FOXO3: variants seen among roughly 807,000 people sequenced by gnomAD.
The protein encoded by FOXO3 is forkhead box O3, also known as forkhead box protein O3.
FOXO3 carries 4 observed loss-of-function variants against 41.9 expected under a neutral mutation model. The ratio of observed to expected loss-of-function variants is 0.10; its 90% CI spans 0.05 to 0.22. FOXO3 has a LOEUF of 0.22. Among genes scored for constraint, FOXO3 ranks in the 10% least tolerant of loss-of-function variants. FOXO3 has a pLI of 1.00. For missense variants in FOXO3, 534 were observed against 906.8 expected (o/e 0.59, Z 5.28); for synonymous variants, 318 against 389.3 (o/e 0.82, Z 2.16).
chr6:108,623,263 G>A (rs796446905), intron 1 of FOXO3, among the ~76,000 whole-genome samples: 50 of 152,284 alleles, frequency 3.3e-4, no homozygotes, highest in African/African-American at 1.2e-3. Context: ...TTATAAGTTG[G>A]CCTCTTTTCA....
chr6:108,644,282 C>T lies in FOXO3; in HGVS notation c.622-19173C>T, dbSNP rs550182414. Among the ~76,000 whole-genome samples the T allele has an allele frequency of 4.6e-5, 7 of 152,350 alleles. No homozygotes were observed. The South Asian group carries it at 1.4e-3, about 32-fold the overall frequency. ...TTGTCCTCATTGTTGTGAAGACTTA[C>T]AGAGATAGTACGTATGAAACACTTA... On this transcript the variant is annotated intron_variant, in intron 1 of 2. Coordinates refer to ENST00000406360, the MANE Select transcript of FOXO3 (RefSeq NM_001455.4).
intron 1 of FOXO3, among the ~76,000 whole-genome samples, chr6:108,592,922 C>A (rs1170358432): frequency 2.6e-5 from 4 of 152,198 alleles, no homozygotes; most frequent in Non-Finnish European, 5.9e-5. Flanking sequence ...CAGTCTTTAT[C>A]TCAATCCTGT....
chr6:108,630,969 T>C (rs140163587), intron 1 of FOXO3, among the ~76,000 whole-genome samples: 1 of 152,292 alleles, frequency 6.6e-6, no homozygotes, highest in East Asian at 1.9e-4. Context: ...TTTCATTCCA[T>C]AGGGAGTTTT....
intron 2 of FOXO3, among the ~76,000 whole-genome samples, chr6:108,672,469 A>G (rs542278423): frequency 1.3e-5 from 2 of 152,348 alleles, no homozygotes; most frequent in East Asian, 1.9e-4. Context: ...GCCACTGGAC[A>G]CTGGGATGCA....
chr6:108,562,043 T>TG (rs1372434996), intron 1 of FOXO3, among the ~76,000 whole-genome samples: 3 of 151,412 alleles, frequency 2.0e-5, no homozygotes, highest in East Asian at 2.0e-4. Context: ...CCCAGAAGCT[T>TG]GGGGCATGGC....
intron 1 of FOXO3, among the ~76,000 whole-genome samples, chr6:108,627,191 A>G (rs1777835040): frequency 6.6e-6 from 1 of 152,168 alleles, no homozygotes; most frequent in South Asian, 2.1e-4. Flanking sequence ...GTCTGCCCTC[A>G]CATATCCCTG....
upstream of FOXO3, chr6:108,560,852 GA>G: frequency 1.5e-6 from 1 of 674,318 alleles, no homozygotes; most frequent in Non-Finnish European, 2.1e-6. Context: ...GCGGCGGGGG[GA>G]GGGGGCTGCC....
intron 1 of FOXO3, among the ~76,000 whole-genome samples, chr6:108,564,699 A>G (rs747613718): frequency 2.0e-5 from 3 of 152,176 alleles, no homozygotes; most frequent in Non-Finnish European, 2.9e-5. Context: ...GCATGTTTGA[A>G]TTACCTGGGA....
chr6:108,629,276 C>A (rs1777895372), intron 1 of FOXO3, among the ~76,000 whole-genome samples: 1 of 151,976 alleles, frequency 6.6e-6, no homozygotes. Flanking sequence ...TTATAGAGGA[C>A]CCATCTGAGA....
intron 1 of FOXO3, among the ~76,000 whole-genome samples, chr6:108,589,423 A>G (rs930295678): frequency 1.2e-4 from 18 of 152,196 alleles, no homozygotes; most frequent in African/African-American, 4.3e-4. Flanking sequence ...GACATTCAGT[A>G]CTAAGAAGGA....
In FOXO3 at chr6:108,590,889, C is replaced by T. The variant is rs9480864; in HGVS notation, c.621+29060C>T. Among the ~76,000 whole-genome samples the T allele has an allele frequency of 5.1e-3, 774 of 152,254 alleles. 8 individuals are homozygous for T. Among genetic ancestry groups the T allele is most frequent in the African/African-American group, 0.018 (729 of 41,544 alleles). On this transcript the variant is annotated intron_variant, in intron 1 of 2. Transcript: ENST00000406360. ...ATGACAGCTTTCAGATTGGAGATAA[C>T]GTTAGAGCTCATCCTAGCTCAGCTG...
rs1341721543 is a variant in FOXO3 at position 108,664,061 on chromosome 6, C to T, written c.1228C>T (p.Arg410Trp). 9 of 1,614,170 alleles carry T rather than the reference C, an allele frequency of 5.6e-6. No individual in the cohort carries two copies. The highest frequency in any genetic ancestry group is 2.2e-5 in the East Asian group (1 of 44,872). ...QPSPTGGLMQ[R>W]SSSFPYTTKG... ...ATCGCCCACTGGGGGACTCATGCAG[C>T]GGAGCTCTAGCTTCCCGTATACCAC... The change falls in exon 2 of 3, where the codon CGG (arginine) becomes TGG (tryptophan). Residue 410 changes from arginine (R) to tryptophan (W), a missense_variant. Around this residue, in one of 8 missense-constraint regions of FOXO3, gnomAD observed 185 missense variants for 224.9 expected, o/e 0.82. Coordinates refer to ENST00000406360, the MANE Select transcript of FOXO3 (RefSeq NM_001455.4).
chr6:108,600,093 C>A (rs922226968), intron 1 of FOXO3, among the ~76,000 whole-genome samples: 1 of 152,130 alleles, frequency 6.6e-6, no homozygotes, highest in Non-Finnish European at 1.5e-5. Flanking sequence ...AGAAGTCGAA[C>A]ACTGAACTTG....
intron 2 of FOXO3, among the ~76,000 whole-genome samples, chr6:108,677,611 T>C (rs1770665363): frequency 6.6e-6 from 1 of 152,186 alleles, no homozygotes; most frequent in African/African-American, 2.4e-5. Flanking sequence ...GCGCTTACAG[T>C]AAGTCAGGAT....
intron 1 of FOXO3, among the ~76,000 whole-genome samples, chr6:108,592,248 A>T (rs1463673214): frequency 6.6e-6 from 1 of 152,350 alleles, no homozygotes; most frequent in East Asian, 1.9e-4. Context: ...TCGTGTAAGC[A>T]TATGCTTAAA....
At chr6:108,598,583 A>C (rs921227914) in intron 1 of FOXO3, among the ~76,000 whole-genome samples, 4 of 152,206 alleles carry the variant, frequency 2.6e-5, no homozygotes, top group African/African-American at 4.8e-5. Flanking sequence ...TACGCACAAC[A>C]TGAGTCAGAA....
At chr6:108,588,731 T>G (rs898933493) in intron 1 of FOXO3, among the ~76,000 whole-genome samples, 7 of 152,168 alleles carry the variant, frequency 4.6e-5, no homozygotes, top group African/African-American at 1.7e-4. Context: ...TAGAATATAG[T>G]AGGCTGGAGA....
intron 2 of FOXO3, among the ~76,000 whole-genome samples, chr6:108,665,547 G>A (rs1562265173): frequency 6.6e-6 from 1 of 152,106 alleles, no homozygotes; most frequent in Non-Finnish European, 1.5e-5. Context: ...AAGAGGCCAG[G>A]CACAGTGTCT....
intron 1 of FOXO3, among the ~76,000 whole-genome samples, chr6:108,633,833 G>T (rs1214168780): frequency 6.8e-6 from 1 of 148,060 alleles, no homozygotes; most frequent in Admixed American, 6.7e-5. Flanking sequence ...TTCTTGCACA[G>T]AAGTCAATTA....
Sources: allele counts gnomAD v4.1 joint callset (sites outside exome capture counted in the v4.1 genomes callset), GRCh38; gene constraint gnomAD v4.1.1; regional missense constraint gnomAD v4.1.1; transcripts MANE v1.5; gene names NCBI Gene and HGNC (gene_info 2026-07-23, HGNC 2026-07-21).